EYS: variants seen among roughly 807,000 people sequenced by gnomAD.
EYS encodes protein eyes shut homolog.
In EYS, 250 loss-of-function variants were observed where a neutral mutation model predicts 282.1. The ratio of observed to expected loss-of-function variants is 0.89; its 90% CI spans 0.80 to 0.98. EYS has a LOEUF of 0.98. EYS is among the 50% of genes least tolerant of loss of function. The probability of loss-of-function intolerance (pLI) is 0.00; values close to 1 mark genes in which losing one functional copy is unlikely to be tolerated. For synonymous variants in EYS, 1,355 were observed against 1,282.9 expected, an observed-to-expected ratio of 1.06 and a Z score of -1.20; for missense variants, 4,016 against 3,709.0, an observed-to-expected ratio of 1.08 and a Z score of -2.15.
chr6:65,201,363 A>G (rs545069339), intron 12 of EYS, among the ~76,000 whole-genome samples: 3 of 152,226 alleles, frequency 2.0e-5, no homozygotes, highest in Non-Finnish European at 4.4e-5. Context: ...AAAAGGACAC[A>G]TATACAATAA....
chr6:65,500,922 G>A lies in EYS; in HGVS notation c.-332-4929C>T, dbSNP rs370429706. ...CATTGTGGATTACGCTTGGGGGTGG[G>A]GGAAAGTCAGAACTTTTTGTTTTGC... is the stretch of plus-strand genomic sequence containing the variant. On this transcript the variant is annotated intron_variant, in intron 2 of 42. Coordinates refer to ENST00000503581, the MANE Select transcript of EYS (RefSeq NM_001142800.2). 7.9e-5 allele frequency among the ~76,000 whole-genome samples: 12 copies of A among 151,928 alleles called. No homozygotes were observed. The South Asian group carries it at 2.1e-3, about 26-fold the overall frequency.
chr6:64,258,118 C>A (rs1434940271), intron 30 of EYS, among the ~76,000 whole-genome samples: 1 of 152,032 alleles, frequency 6.6e-6, no homozygotes, highest in Non-Finnish European at 1.5e-5. Context: ...TCCAATCAAT[C>A]TGCTTTACCT....
At chr6:64,854,732 T>G (rs1766000663) in intron 19 of EYS, among the ~76,000 whole-genome samples, 1 of 152,054 alleles carries the variant, frequency 6.6e-6, no homozygotes, top group African/African-American at 2.4e-5. Context: ...CCCTAACAGT[T>G]AAAATATAAT....
intron 33 of EYS, among the ~76,000 whole-genome samples, chr6:64,038,309 G>T (rs76200941): frequency 0.038 from 5,715 of 152,084 alleles, 331 homozygotes; most frequent in African/African-American, 0.12. Context: ...GCTAAGGAAT[G>T]CCTACTAAAT....
At chr6:63,928,117 G>A (rs967479581) in intron 35 of EYS, among the ~76,000 whole-genome samples, 1 of 152,210 alleles carries the variant, frequency 6.6e-6, no homozygotes, top group African/African-American at 2.4e-5. Flanking sequence ...AAGTTGAGAA[G>A]ATCAATCGTG....
chr6:63,916,305 T>C (rs1416097074), intron 35 of EYS, among the ~76,000 whole-genome samples: 1 of 152,176 alleles, frequency 6.6e-6, no homozygotes, highest in Non-Finnish European at 1.5e-5. Flanking sequence ...AGTGGAAACT[T>C]CTCTCCGAAG....
intron 1 of EYS, among the ~76,000 whole-genome samples, chr6:65,686,252 C>A (rs1321402923): frequency 6.6e-6 from 1 of 152,050 alleles, no homozygotes. Context: ...CTTCCCGGCT[C>A]TTCCCCAGAA....
intron 11 of EYS, among the ~76,000 whole-genome samples, chr6:65,327,194 G>A (rs1187297737): frequency 6.6e-6 from 1 of 151,510 alleles, no homozygotes; most frequent in Admixed American, 6.6e-5. Context: ...GATATATCAA[G>A]TCTGTAGTTC....
chr6:63,722,088 C>T (rs945032035), intron 42 of EYS, among the ~76,000 whole-genome samples: 3 of 152,052 alleles, frequency 2.0e-5, no homozygotes, highest in African/African-American at 7.2e-5. Context: ...CAAATGAAAG[C>T]CTGTTCCTTA....
At chr6:64,757,483 G>A (rs1304058340) in intron 22 of EYS, among the ~76,000 whole-genome samples, 1 of 151,928 alleles carries the variant, frequency 6.6e-6, no homozygotes, top group Non-Finnish European at 1.5e-5. Flanking sequence ...ACACAAGTAT[G>A]TTTTGACTGT....
chr6:64,847,657 A>G (rs1765757668), intron 19 of EYS, among the ~76,000 whole-genome samples: 1 of 152,118 alleles, frequency 6.6e-6, no homozygotes, highest in Non-Finnish European at 1.5e-5. Context: ...TCATCATGTC[A>G]GCAATATCCT....
chr6:64,623,699 A>T (rs1416007341), intron 23 of EYS, among the ~76,000 whole-genome samples: 1 of 152,138 alleles, frequency 6.6e-6, no homozygotes, highest in Non-Finnish European at 1.5e-5. Flanking sequence ...TTTTGGGGGT[A>T]AAGAGTTAAT....
At chr6:65,121,590 G>A (rs184501967) in intron 12 of EYS, among the ~76,000 whole-genome samples, 16 of 152,220 alleles carry the variant, frequency 1.1e-4, no homozygotes, top group Middle Eastern at 3.4e-3. Context: ...GAATATTTTG[G>A]GGGGAGTGAG....
At chr6:64,752,993 T>C (rs959902812) in intron 22 of EYS, among the ~76,000 whole-genome samples, 2 of 152,150 alleles carry the variant, frequency 1.3e-5, no homozygotes, top group African/African-American at 2.4e-5. Flanking sequence ...TTTTGTATAC[T>C]GCTAAACAAG....
intron 35 of EYS, among the ~76,000 whole-genome samples, chr6:63,917,452 T>C (rs562805475): frequency 6.6e-6 from 1 of 152,362 alleles, no homozygotes; most frequent in South Asian, 2.1e-4. Context: ...CATTTTCCTC[T>C]GTTCATGCTA....
chr6:65,088,139 A>G (rs1774440995), intron 12 of EYS, among the ~76,000 whole-genome samples: 1 of 152,148 alleles, frequency 6.6e-6, no homozygotes, highest in Admixed American at 6.5e-5. Flanking sequence ...TTTCCTTTGT[A>G]AATTACCCAG....
At chr6:65,658,919 T>A (rs1218837390) in intron 1 of EYS, among the ~76,000 whole-genome samples, 1 of 151,444 alleles carries the variant, frequency 6.6e-6, no homozygotes, top group Non-Finnish European at 1.5e-5. Context: ...TAAACCTTTT[T>A]TTTCTTTTTT....
At chr6:64,284,763 C>G (rs758322507) in intron 30 of EYS, among the ~76,000 whole-genome samples, 4 of 152,192 alleles carry the variant, frequency 2.6e-5, no homozygotes, top group Non-Finnish European at 4.4e-5. Context: ...TCAACACAAC[C>G]TGGAAGCTGC....
intron 22 of EYS, among the ~76,000 whole-genome samples, chr6:64,798,359 A>G (rs918139193): frequency 9.2e-5 from 14 of 151,780 alleles, no homozygotes; most frequent in African/African-American, 3.4e-4. Flanking sequence ...GGAGATATCA[A>G]AAAATATGTT....
Sources: allele counts gnomAD v4.1 joint callset (sites outside exome capture counted in the v4.1 genomes callset), GRCh38; gene constraint gnomAD v4.1.1; transcripts MANE v1.5; gene names NCBI Gene and HGNC (gene_info 2026-07-23, HGNC 2026-07-21).